GNB1: variants seen among roughly 807,000 people sequenced by gnomAD.
The protein encoded by GNB1 is G protein subunit beta 1.
Under a neutral mutation model 42.9 loss-of-function variants are expected in GNB1, and 2 were observed. The observed-to-expected ratio is 0.05, with a 90% CI of 0.02 to 0.15. The LOEUF is 0.15. Ranked by LOEUF, GNB1 falls within the 10% of genes least tolerant of loss-of-function variation. The pLI, the probability that GNB1 is intolerant of heterozygous loss-of-function variation, is 1.00. For missense variants in GNB1, 193 were observed against 462.2 expected (o/e 0.42, Z 5.34); for synonymous variants, 183 against 174.7 (o/e 1.05, Z -0.38).
intron 1 of GNB1, among the ~76,000 whole-genome samples, chr1:1,876,310 TG>T (rs746758389): frequency 1.1e-4 from 17 of 151,976 alleles, no homozygotes; most frequent in African/African-American, 3.1e-4. Context: ...GAGAAGGACT[TG>T]TTTTTTTTTA....
chr1:1,841,570 ACCTG>A (rs1647243619), intron 1 of GNB1, among the ~76,000 whole-genome samples: 1 of 152,254 alleles, frequency 6.6e-6, no homozygotes, highest in Non-Finnish European at 1.5e-5. Flanking sequence ...ACAGGTCACC[ACCTG>A]CCTATTAATT....
intron 1 of GNB1, among the ~76,000 whole-genome samples, chr1:1,860,428 A>C (rs1284416725): frequency 6.6e-6 from 1 of 152,158 alleles, no homozygotes; most frequent in African/African-American, 2.4e-5. Flanking sequence ...TGAATCTAAA[A>C]TAAAAGTTGA....
intron 5 of GNB1, among the ~76,000 whole-genome samples, chr1:1,814,477 G>A (rs1200807105): frequency 6.6e-6 from 1 of 152,102 alleles, no homozygotes; most frequent in African/African-American, 2.4e-5. Context: ...GATGCCTGGT[G>A]GAGAAGAAAG....
intron 1 of GNB1, among the ~76,000 whole-genome samples, chr1:1,874,468 G>A (rs538756090): frequency 2.0e-5 from 3 of 151,986 alleles, no homozygotes; most frequent in South Asian, 4.2e-4. Flanking sequence ...AAAGCCGGGC[G>A]TGGCGGTGTG....
intron 1 of GNB1, among the ~76,000 whole-genome samples, chr1:1,846,291 G>A (rs1186454523): frequency 6.6e-6 from 1 of 152,114 alleles, no homozygotes; most frequent in Non-Finnish European, 1.5e-5. Flanking sequence ...ATTTAGCCGG[G>A]TGCAGTGGCT....
In GNB1 at chr1:1,889,631, A is replaced by C. The variant is rs182523376; in HGVS notation, c.-96+1189T>G. On this transcript the variant is annotated intron_variant, in intron 1 of 11. Transcript: ENST00000378609. ...GTTCGAGACCAGCCTGGTTAACAGG[A>C]TCTCTTTTACAAAGAGATCCCATCT... is the stretch of plus-strand genomic sequence containing the variant. 2.3e-3 allele frequency among the ~76,000 whole-genome samples: 337 copies of C among 148,638 alleles called. 1 individual carries two copies. The highest frequency in any genetic ancestry group is 7.8e-3 in the African/African-American group (313 of 40,106).
intron 1 of GNB1, among the ~76,000 whole-genome samples, chr1:1,861,312 T>A (rs1440159045): frequency 6.6e-6 from 1 of 151,730 alleles, no homozygotes; most frequent in Non-Finnish European, 1.5e-5. Context: ...AAAAATTTTT[T>A]AAAAATTAAC....
chr1:1,876,736 ACTTTGAGGT>A (rs1330419583), intron 1 of GNB1, among the ~76,000 whole-genome samples: 2 of 152,142 alleles, frequency 1.3e-5, no homozygotes, highest in African/African-American at 4.8e-5. Context: ...GGAAGCTAAC[ACTTTGAGGT>A]CTTGCTTGGC....
chr1:1,860,195 C>A (rs761272063), intron 1 of GNB1, among the ~76,000 whole-genome samples: 3 of 152,120 alleles, frequency 2.0e-5, no homozygotes, highest in Non-Finnish European at 4.4e-5. Context: ...CTGAATACCA[C>A]ATGTTCTCAT....
At chr1:1,877,147 A>G (rs1649587936) in intron 1 of GNB1, among the ~76,000 whole-genome samples, 1 of 151,826 alleles carries the variant, frequency 6.6e-6, no homozygotes, top group African/African-American at 2.4e-5. Flanking sequence ...CTAAAAATAC[A>G]AAATTAGCCA....
chr1:1,833,795 T>C (rs1482875776), intron 2 of GNB1, among the ~76,000 whole-genome samples: 1 of 152,168 alleles, frequency 6.6e-6, no homozygotes, highest in African/African-American at 2.4e-5. Flanking sequence ...CTGTTCTTGT[T>C]TGAGGTGCTA....
At chr1:1,875,930 G>C (rs1649521350) in intron 1 of GNB1, among the ~76,000 whole-genome samples, 1 of 152,124 alleles carries the variant, frequency 6.6e-6, no homozygotes, top group Non-Finnish European at 1.5e-5. Flanking sequence ...TTAAAACGAG[G>C]TCATACTGAA....
At position 1,852,394 on chromosome 1, in the gene GNB1, A is replaced by C. The variant is rs1249001742; in HGVS notation, c.-95-13156T>G. ...TAGACGCCCGCCACCACGCCTGGCT[A>C]ATTTTTTTTGTATTTTTAGTAGAGA... On this transcript the variant is annotated intron_variant, in intron 1 of 11. Transcript: ENST00000378609. Among the ~76,000 whole-genome samples the C allele has an allele frequency of 2.0e-5, 3 of 151,944 alleles. No homozygotes were observed. The East Asian group carries it at 5.8e-4, about 29-fold the overall frequency.
At chr1:1,848,453 TCTC>T (rs765638661) in intron 1 of GNB1, among the ~76,000 whole-genome samples, 32 of 151,726 alleles carry the variant, frequency 2.1e-4, no homozygotes, top group Non-Finnish European at 4.4e-4. Context: ...TATGCCTGTC[TCTC>T]CTACCTCCCC....
intron 1 of GNB1, among the ~76,000 whole-genome samples, chr1:1,842,597 G>A (rs756068170): frequency 2.0e-5 from 3 of 152,168 alleles, no homozygotes; most frequent in Non-Finnish European, 4.4e-5. Context: ...AGAATGCAGT[G>A]GTTGCCAGGG....
Position 1,807,463 on chromosome 1 carries a change from G to GAAAAAAAAAA in GNB1, c.204-935_204-926dup, listed in dbSNP as rs533616486. 4.3e-4 allele frequency among the ~76,000 whole-genome samples: 11 copies of GAAAAAAAAAA among 25,580 alleles called. 1 individual carries two copies. Among genetic ancestry groups the GAAAAAAAAAA allele is most frequent in the African/African-American group, 1.1e-3 (5 of 4,422 alleles). The allele number at this position is 25,580 out of a possible 152,430, so 16.8% of individuals were successfully genotyped here. A position where few individuals can be genotyped will look rare whatever the true frequency, so the allele number is the denominator to read the frequency against. On this transcript the variant is annotated intron_variant, in intron 5 of 11. Coordinates refer to ENST00000378609, the MANE Select transcript of GNB1 (RefSeq NM_002074.5). The stretch of plus-strand genomic sequence containing the variant: ...TGGGCAACAGAGCGAGATCCTGACT[G>GAAAAAAAAAA]AAAAAAAAAAAAAAAAAAAAAAAAA...
At chr1:1,865,291 A>C (rs1342488257) in intron 1 of GNB1, among the ~76,000 whole-genome samples, 1 of 131,112 alleles carries the variant, frequency 7.6e-6, no homozygotes, top group Non-Finnish European at 1.6e-5. Context: ...AAAAAAAACC[A>C]AAAAAAAAAA....
chr1:1,847,843 T>C (rs563950056), intron 1 of GNB1, among the ~76,000 whole-genome samples: 13 of 152,264 alleles, frequency 8.5e-5, no homozygotes, highest in African/African-American at 3.1e-4. Context: ...TCAAGAGCTA[T>C]TAGACACCAC....
chr1:1,846,504 T>A (rs1421043069), intron 1 of GNB1, among the ~76,000 whole-genome samples: 1 of 151,842 alleles, frequency 6.6e-6, no homozygotes, highest in Non-Finnish European at 1.5e-5. Flanking sequence ...GAGACGGAGG[T>A]TGCAGTGAGC....
Sources: gnomAD v4.1 joint callset for allele counts (sites outside exome capture counted in the v4.1 genomes callset) on GRCh38, gnomAD v4.1.1 for gene constraint, MANE v1.5 for transcripts, NCBI Gene and HGNC (gene_info 2026-07-23, HGNC 2026-07-21) for gene names.